Variants in CNTNAP2 observed in about 807,000 individuals in gnomAD.
The protein encoded by CNTNAP2 is contactin-associated protein-like 2.
Under a neutral mutation model 155.2 loss-of-function variants are expected in CNTNAP2, and 98 were observed. That is an observed-to-expected ratio of 0.63 (90% confidence interval 0.54 to 0.75). The LOEUF (loss-of-function observed/expected upper bound fraction) is 0.75, where lower values mean the gene tolerates loss of function less well. Among genes scored for constraint, CNTNAP2 ranks in the 30% least tolerant of loss-of-function variants. CNTNAP2 has a pLI of 0.00. For synonymous variants in CNTNAP2, 651 were observed against 631.2 expected (o/e 1.03, Z -0.47); for missense variants, 1,727 against 1,688.1 (o/e 1.02, Z -0.40).
chr7:148,035,964 A>C (rs1017364405), intron 15 of CNTNAP2, among the ~76,000 whole-genome samples: 1 of 152,186 alleles, frequency 6.6e-6, no homozygotes, highest in African/African-American at 2.4e-5. Flanking sequence ...GGCTTTTTGG[A>C]CTTACCTGAG....
chr7:147,855,283 G>A (rs1799017194), intron 13 of CNTNAP2, among the ~76,000 whole-genome samples: 1 of 151,956 alleles, frequency 6.6e-6, no homozygotes. Context: ...AACTGGTCTG[G>A]GCCAGTTTGT....
At chr7:148,024,099 A>T (rs915627044) in intron 15 of CNTNAP2, among the ~76,000 whole-genome samples, 1 of 148,210 alleles carries the variant, frequency 6.7e-6, no homozygotes, top group African/African-American at 2.5e-5. Flanking sequence ...ATTTACAAAT[A>T]GTCTACTACA....
intron 12 of CNTNAP2, among the ~76,000 whole-genome samples, chr7:147,586,874 G>A (rs1355025609): frequency 1.3e-5 from 2 of 152,130 alleles, no homozygotes; most frequent in African/African-American, 4.8e-5. Flanking sequence ...CCTGGCAACA[G>A]AGTCTACCAC....
chr7:148,383,587 G>A, intron 21 of CNTNAP2, 62 bp from the exon 22 acceptor site: 1 of 1,612,144 alleles, frequency 6.2e-7, no homozygotes, highest in African/African-American at 1.3e-5. Flanking sequence ...TCAAAGACAG[G>A]TATGTTGTAC....
At chr7:148,072,344 G>A (rs1488163251) in intron 15 of CNTNAP2, among the ~76,000 whole-genome samples, 3 of 152,114 alleles carry the variant, frequency 2.0e-5, no homozygotes, top group African/African-American at 7.2e-5. Context: ...GGCTTTTTGA[G>A]CCATGTGGTG....
chr7:147,344,033 T>C (rs867716281), intron 9 of CNTNAP2, among the ~76,000 whole-genome samples: 1 of 152,176 alleles, frequency 6.6e-6, no homozygotes, highest in African/African-American at 2.4e-5. Flanking sequence ...GTGTTCATAT[T>C]TTGTAGATGA....
At chr7:147,619,301 A>C (rs2116889827) in intron 12 of CNTNAP2, among the ~76,000 whole-genome samples, 1 of 152,350 alleles carries the variant, frequency 6.6e-6, no homozygotes, top group South Asian at 2.1e-4. Flanking sequence ...TAAACACACT[A>C]AATATGGGAA....
intron 20 of CNTNAP2, among the ~76,000 whole-genome samples, chr7:148,243,349 C>T (rs774348231): frequency 6.6e-6 from 1 of 152,212 alleles, no homozygotes; most frequent in Non-Finnish European, 1.5e-5. Context: ...CTCTGAGAAC[C>T]TGTCCTGCTA....
chr7:147,182,122 T>G (rs1802469662), intron 8 of CNTNAP2, among the ~76,000 whole-genome samples: 1 of 52,610 alleles, frequency 1.9e-5, no homozygotes, highest in Non-Finnish European at 4.2e-5. Context: ...TGAGACTCCA[T>G]CTCAAAAAAA....
At chr7:147,830,424 C>A (rs141780559) in intron 13 of CNTNAP2, among the ~76,000 whole-genome samples, 4 of 152,066 alleles carry the variant, frequency 2.6e-5, no homozygotes, top group African/African-American at 7.2e-5. Flanking sequence ...TACTTCCCCC[C>A]CAAAAGGCCC....
chr7:147,525,977 G>C (rs1799311014), intron 11 of CNTNAP2, among the ~76,000 whole-genome samples: 1 of 152,000 alleles, frequency 6.6e-6, no homozygotes, highest in African/African-American at 2.4e-5. Context: ...CAGATCACTT[G>C]AGGTCAGGAG....
chr7:147,718,033 C>A (rs117387088), intron 13 of CNTNAP2, among the ~76,000 whole-genome samples: 1 of 151,988 alleles, frequency 6.6e-6, no homozygotes, highest in East Asian at 1.9e-4. Context: ...TAAATAACTC[C>A]TTGAAATCAA....
intron 1 of CNTNAP2, among the ~76,000 whole-genome samples, chr7:146,201,208 A>AAAAAAGCT (rs1200942702): frequency 1.3e-5 from 2 of 152,198 alleles, no homozygotes; most frequent in Non-Finnish European, 2.9e-5. Flanking sequence ...ATGAAAAGAA[A>AAAAAAGCT]AAAAAGCTAA....
intron 20 of CNTNAP2, among the ~76,000 whole-genome samples, chr7:148,252,541 G>A (rs1023196626): frequency 3.3e-5 from 5 of 152,044 alleles, no homozygotes; most frequent in Non-Finnish European, 5.9e-5. Flanking sequence ...ACACACAACC[G>A]CCCAAAGCAT....
chr7:148,181,129 T>TGA lies in CNTNAP2; in HGVS notation c.3010+8653_3010+8654dup, dbSNP rs1376666995. 7.9e-5 allele frequency among the ~76,000 whole-genome samples: 12 copies of TGA among 152,326 alleles called. No homozygotes were observed. The East Asian group carries it at 2.3e-3, about 29-fold the overall frequency. On this transcript the variant is annotated intron_variant, in intron 18 of 23. Transcript: ENST00000361727. ...GTTACACCATTGGCTTCTTTTGTTC[T>TGA]GAGGCCTTTGGACTTGGACGGAGCC...
chr7:147,710,153 A>G (rs940806433), intron 13 of CNTNAP2, among the ~76,000 whole-genome samples: 1 of 152,146 alleles, frequency 6.6e-6, no homozygotes, highest in Admixed American at 6.6e-5. Context: ...GTGAGGAGGT[A>G]TTGTTTCTGC....
At chr7:146,795,503 G>T (rs1802752845) in intron 2 of CNTNAP2, among the ~76,000 whole-genome samples, 1 of 152,200 alleles carries the variant, frequency 6.6e-6, no homozygotes, top group Admixed American at 6.5e-5. Context: ...AGTAAAGTCA[G>T]TGTGCCAAAT....
At chr7:147,174,911 A>G (rs935140438) in intron 8 of CNTNAP2, among the ~76,000 whole-genome samples, 1 of 152,176 alleles carries the variant, frequency 6.6e-6, no homozygotes, top group Non-Finnish European at 1.5e-5. Context: ...ATAAGAGACA[A>G]TAATAATGGA....
intron 14 of CNTNAP2, among the ~76,000 whole-genome samples, chr7:147,941,780 G>C (rs1398770322): frequency 1.3e-5 from 2 of 152,168 alleles, no homozygotes; most frequent in Admixed American, 1.3e-4. Flanking sequence ...GACATTTAAA[G>C]GCAGTACCAT....
Sources: allele counts gnomAD v4.1 joint callset (sites outside exome capture counted in the v4.1 genomes callset), GRCh38; gene constraint gnomAD v4.1.1; transcripts MANE v1.5; gene names NCBI Gene and HGNC (gene_info 2026-07-23, HGNC 2026-07-21).